Variants in THADA observed in about 807,000 individuals in gnomAD.
THADA encodes tRNA (32-2'-O)-methyltransferase regulator THADA.
A neutral mutation model predicts 219.8 loss-of-function variants in THADA; 213 were observed. That is an observed-to-expected ratio of 0.97 (90% CI 0.87 to 1.09). The LOEUF (loss-of-function observed/expected upper bound fraction) is 1.09. Ranked by LOEUF, THADA falls within the 50% of genes least tolerant of loss-of-function variation. THADA has a pLI of 0.00. For synonymous variants in THADA, 1,018 were observed against 828.9 expected (o/e 1.23, Z -3.92); for missense variants, 2,956 against 2,311.3 (o/e 1.28, Z -5.72).
At chr2:43,434,284 G>A (rs1679785498) in intron 26 of THADA, among the ~76,000 whole-genome samples, 1 of 152,188 alleles carries the variant, frequency 6.6e-6, no homozygotes. Flanking sequence ...AATTACAATT[G>A]GATCCCAAGC....
At chr2:43,545,552 C>G (rs1435711629) in intron 20 of THADA, among the ~76,000 whole-genome samples, 1 of 152,168 alleles carries the variant, frequency 6.6e-6, no homozygotes, top group African/African-American at 2.4e-5. Flanking sequence ...AATTTCAGAG[C>G]CTGCTATTGG....
intron 26 of THADA, among the ~76,000 whole-genome samples, chr2:43,449,291 A>G (rs974929622): frequency 5.9e-5 from 9 of 152,152 alleles, no homozygotes; most frequent in Non-Finnish European, 1.2e-4. Flanking sequence ...AACAAAAAAA[A>G]GATTAAAGAA....
rs773822690 is a variant in THADA at position 43,398,030 on chromosome 2, G to C, written c.4168C>G (p.Leu1390Val). The C allele has an allele frequency of 6.2e-7, 1 of 1,614,040 alleles. No homozygotes were observed. The change falls in exon 29 of 38, where the codon CTC (leucine) becomes GTC (valine). Residue 1390 changes from leucine (L) to valine (V), a missense_variant. Coordinates refer to ENST00000405975, the MANE Select transcript of THADA (RefSeq NM_022065.5). ...PNTIRTLLSTLPSCTDQCFRQ... is the reference protein window; with the variant it reads ...PNTIRTLLSTVPSCTDQCFRQ... ...AAACACTGGTCAGTGCAGCTGGGGA[G>C]TGTGGACAACAGAGTTCGAATGGTA...
chr2:43,291,835 T>C (rs1674766615), intron 33 of THADA, 67 bp from the exon 34 acceptor site: 1 of 1,380,136 alleles, frequency 7.2e-7, no homozygotes, highest in Non-Finnish European at 9.9e-7. Context: ...ACACCGGTTT[T>C]TGCAGATAGT....
At chr2:43,468,849 T>C (rs979680674) in intron 26 of THADA, among the ~76,000 whole-genome samples, 1 of 152,152 alleles carries the variant, frequency 6.6e-6, no homozygotes, top group Non-Finnish European at 1.5e-5. Flanking sequence ...TAGAAGCAGA[T>C]ACTATTACCA....
At chr2:43,366,899 T>G (rs1670218367) in intron 29 of THADA, among the ~76,000 whole-genome samples, 1 of 152,238 alleles carries the variant, frequency 6.6e-6, no homozygotes, top group Non-Finnish European at 1.5e-5. Flanking sequence ...CAGCAAATAA[T>G]GTACAGCAGC....
At chr2:43,313,603 A>T (rs1215421318) in intron 31 of THADA, among the ~76,000 whole-genome samples, 1 of 152,240 alleles carries the variant, frequency 6.6e-6, no homozygotes, top group Non-Finnish European at 1.5e-5. Context: ...TGCTCTTTCT[A>T]ATAACACGCT....
chr2:43,482,372 G>A (rs72865230), intron 26 of THADA, among the ~76,000 whole-genome samples: 1 of 152,020 alleles, frequency 6.6e-6, no homozygotes, highest in Non-Finnish European at 1.5e-5. Flanking sequence ...CTTCTTGTCT[G>A]TACTATGCGA....
At chr2:43,385,216 C>T (rs1346706655) in intron 29 of THADA, among the ~76,000 whole-genome samples, 1 of 152,076 alleles carries the variant, frequency 6.6e-6, no homozygotes, top group African/African-American at 2.4e-5. Context: ...AAGTAAATGT[C>T]TCACATATTT....
intron 26 of THADA, among the ~76,000 whole-genome samples, chr2:43,434,024 C>CTT (rs1679746659): frequency 6.6e-6 from 1 of 152,076 alleles, no homozygotes. Context: ...ATAGACACAT[C>CTT]AAGGGCCAAG....
chr2:43,502,408 A>C lies in THADA; in HGVS notation c.3621+3214T>G, dbSNP rs191257342. On this transcript the variant is annotated intron_variant, in intron 24 of 37. Coordinates refer to ENST00000405975, the MANE Select transcript of THADA (RefSeq NM_022065.5). ...GAGACTAGCCTGGTCAACATGGCAA[A>C]ACCTCGTCTCTACTAAAAATATAAA... 2.0e-3 allele frequency among the ~76,000 whole-genome samples: 311 copies of C among 152,214 alleles called. 2 individuals are homozygous for C. The highest frequency in any genetic ancestry group is 2.2e-3 in the Non-Finnish European group (152 of 67,996).
chr2:43,594,063 T>C (rs978234643), intron 1 of THADA, among the ~76,000 whole-genome samples: 3 of 152,076 alleles, frequency 2.0e-5, no homozygotes, highest in African/African-American at 7.2e-5. Context: ...ACAAAGAAAT[T>C]TTCCAACACC....
At chr2:43,443,215 G>C (rs1370307613) in intron 26 of THADA, among the ~76,000 whole-genome samples, 1 of 152,188 alleles carries the variant, frequency 6.6e-6, no homozygotes, top group African/African-American at 2.4e-5. Flanking sequence ...CTACTAAACA[G>C]TTGCCGAGTG....
intron 26 of THADA, among the ~76,000 whole-genome samples, chr2:43,477,181 G>T (rs942003344): frequency 6.6e-6 from 1 of 151,830 alleles, no homozygotes; most frequent in Admixed American, 6.6e-5. Context: ...GCTTTAATCA[G>T]TATCCCGACA....
At chr2:43,494,853 G>T (rs543659901) in intron 25 of THADA, among the ~76,000 whole-genome samples, 2 of 152,132 alleles carry the variant, frequency 1.3e-5, no homozygotes, top group East Asian at 3.8e-4. Flanking sequence ...AGATCTGTAT[G>T]GTTTCAATAC....
chr2:43,354,331 G>A (rs763991334), intron 29 of THADA, among the ~76,000 whole-genome samples: 8 of 151,852 alleles, frequency 5.3e-5, no homozygotes, highest in South Asian at 2.1e-4. Flanking sequence ...ATAGGCATAC[G>A]ATGTGTACTG....
chr2:43,381,002 A>T (rs1671945384), intron 29 of THADA, among the ~76,000 whole-genome samples: 1 of 151,080 alleles, frequency 6.6e-6, no homozygotes, highest in Admixed American at 6.6e-5. Context: ...GGAGGCTAAG[A>T]CAGAAGAATC....
At chr2:43,273,984 C>T (rs1338989864) in intron 36 of THADA, among the ~76,000 whole-genome samples, 1 of 152,122 alleles carries the variant, frequency 6.6e-6, no homozygotes, top group Non-Finnish European at 1.5e-5. Flanking sequence ...TGCCACTTGC[C>T]TACTGCTCCC....
At chr2:43,375,396 C>T (rs941618013) in intron 29 of THADA, among the ~76,000 whole-genome samples, 3 of 152,144 alleles carry the variant, frequency 2.0e-5, no homozygotes, top group Non-Finnish European at 4.4e-5. Context: ...AACTGTATAC[C>T]AAGTAGGAAT....
Sources: gnomAD v4.1 joint callset for allele counts (sites outside exome capture counted in the v4.1 genomes callset) on GRCh38, gnomAD v4.1.1 for gene constraint, MANE v1.5 for transcripts, NCBI Gene and HGNC (gene_info 2026-07-23, HGNC 2026-07-21) for gene names.